Variants in SCAI observed in about 807,000 individuals in gnomAD.
The protein encoded by SCAI is protein SCAI.
SCAI carries 24 observed loss-of-function variants against 92.2 expected under a neutral mutation model. The ratio of observed to expected loss-of-function variants is 0.26; its 90% CI spans 0.19 to 0.37. The LOEUF is 0.37. SCAI is among the 10% of genes least tolerant of loss of function. The pLI, the probability that SCAI is intolerant of heterozygous loss-of-function variation, is 1.00. For missense variants in SCAI, 450 were observed against 736.2 expected (o/e 0.61, Z 4.50); for synonymous variants, 261 against 258.6 (o/e 1.01, Z -0.09).
intron 14 of SCAI, among the ~76,000 whole-genome samples, chr9:124,993,159 A>G (rs1331788616): frequency 6.6e-6 from 1 of 152,262 alleles, no homozygotes; most frequent in Non-Finnish European, 1.5e-5. Context: ...CTTCTTTTGA[A>G]TTCTGTGAAG....
intron 17 of SCAI, among the ~76,000 whole-genome samples, chr9:124,967,768 T>C (rs149279512): frequency 1.2e-4 from 18 of 152,176 alleles, no homozygotes; most frequent in East Asian, 3.9e-4. Flanking sequence ...ATATAAGAAA[T>C]TGTCTTCCCA....
At chr9:125,125,242 A>G (rs1449300189) in intron 2 of SCAI, among the ~76,000 whole-genome samples, 1 of 151,840 alleles carries the variant, frequency 6.6e-6, no homozygotes, top group African/African-American at 2.4e-5. Flanking sequence ...AATTAAATTT[A>G]AAAATGAAGG....
rs184650273 is a variant in SCAI at position 125,028,002 on chromosome 9, T to C, written c.413+390A>G. 1.4e-3 allele frequency among the ~76,000 whole-genome samples: 206 copies of C among 152,344 alleles called. 3 individuals are homozygous for C. The highest frequency in any genetic ancestry group is 4.6e-3 in the African/African-American group (191 of 41,590). ...ATATCTTTCAAACATATCCTGCAAG[T>C]ATGAGTTTTTTAAAGTATCCTTCTG... On this transcript the variant is annotated intron_variant, in intron 5 of 17. Coordinates refer to ENST00000336505, the MANE Select transcript of SCAI (RefSeq NM_001144877.3).
chr9:125,130,072 T>A (rs899738630), intron 2 of SCAI, among the ~76,000 whole-genome samples: 1 of 151,800 alleles, frequency 6.6e-6, no homozygotes, highest in Non-Finnish European at 1.5e-5. Flanking sequence ...CTAATTTTTG[T>A]ATTTTTAGTA....
intron 7 of SCAI, among the ~76,000 whole-genome samples, chr9:125,019,565 C>A (rs1232755308): frequency 6.6e-6 from 1 of 151,448 alleles, no homozygotes; most frequent in East Asian, 1.9e-4. Flanking sequence ...TTTGGGAGGT[C>A]GAGGTGGGAG....
chr9:125,009,292 C>T (rs190163851), intron 9 of SCAI, among the ~76,000 whole-genome samples: 28 of 152,252 alleles, frequency 1.8e-4, no homozygotes, highest in African/African-American at 5.5e-4. Context: ...TATTTAGAGA[C>T]GGAGTCTTCT....
chr9:124,981,262 T>G (rs1831880424), intron 14 of SCAI, among the ~76,000 whole-genome samples: 1 of 152,252 alleles, frequency 6.6e-6, no homozygotes, highest in South Asian at 2.1e-4. Context: ...TTTCTGTGAT[T>G]CTCTTGATTT....
rs1834424963 is a variant in SCAI at position 125,091,350 on chromosome 9, T to C, written c.99-35343A>G. Among the ~76,000 whole-genome samples the C allele has an allele frequency of 6.6e-6, 1 of 152,200 alleles. No individual in the cohort carries two copies. Among genetic ancestry groups the C allele is most frequent in the Admixed American group, 6.5e-5 (1 of 15,282 alleles). The stretch of plus-strand genomic sequence containing the variant: ...CCAATAAATTCATTTTCTGCTTAAG[T>C]TGGCTGGAATTAAGGTCTGTAATTT... On this transcript the variant is annotated intron_variant, in intron 2 of 17. Coordinates refer to ENST00000336505, the MANE Select transcript of SCAI (RefSeq NM_001144877.3). This position sits in a 1 kb window ranked among gnomAD's most constrained non-coding sequence, Gnocchi z 4.3.
At chr9:125,126,392 G>GGTGTGT (rs3222316) in intron 2 of SCAI, among the ~76,000 whole-genome samples, 35 of 115,118 alleles carry the variant, frequency 3.0e-4, no homozygotes, top group African/African-American at 9.4e-4. Flanking sequence ...GTGAGTTGGG[G>GGTGTGT]GTGTGTGTGT....
chr9:125,097,818 A>G (rs1834589924), intron 2 of SCAI, among the ~76,000 whole-genome samples: 1 of 151,722 alleles, frequency 6.6e-6, no homozygotes, highest in Non-Finnish European at 1.5e-5. Flanking sequence ...ATATTTCGTG[A>G]ACCTTCAAGA....
At chr9:124,973,918 C>T (rs1204763638) in intron 15 of SCAI, among the ~76,000 whole-genome samples, 2 of 152,214 alleles carry the variant, frequency 1.3e-5, no homozygotes, top group Non-Finnish European at 1.5e-5. Context: ...CTGGAACACT[C>T]TTGCTCGGTC....
In SCAI at chr9:124,948,502, TTC is replaced by T. The variant is rs1422288340; in HGVS notation, c.*4303_*4304del. ...ACAAATCCCTAATTATTCTTTCTTGTTCATTATAGAAAGCAGTCTGAGCTACT... is the reference window on the plus strand; with the variant it reads ...ACAAATCCCTAATTATTCTTTCTTGTATTATAGAAAGCAGTCTGAGCTACT... On this transcript the variant is annotated 3_prime_UTR_variant, in exon 18 of 18. Coordinates refer to ENST00000336505, the MANE Select transcript of SCAI (RefSeq NM_001144877.3). 6.6e-6 allele frequency: 1 copy of T among 152,226 alleles called. No individual in the cohort carries two copies. The highest frequency in any genetic ancestry group is 1.5e-5 in the Non-Finnish European group (1 of 68,038). 9.4% of individuals were successfully genotyped at this position (152,226 alleles called of 1,614,324 possible).
At chr9:125,023,547 G>A (rs1832909822) in intron 6 of SCAI, among the ~76,000 whole-genome samples, 1 of 151,932 alleles carries the variant, frequency 6.6e-6, no homozygotes, top group Non-Finnish European at 1.5e-5. Context: ...TCTGTATCAT[G>A]GATTATACAA....
intron 2 of SCAI, among the ~76,000 whole-genome samples, chr9:125,114,672 C>A (rs1408593031): frequency 6.6e-6 from 1 of 151,696 alleles, no homozygotes; most frequent in Non-Finnish European, 1.5e-5. Context: ...GTGGCATGAT[C>A]ACAGCTCACA....
At chr9:124,986,021 G>A (rs1041503197) in intron 14 of SCAI, among the ~76,000 whole-genome samples, 1 of 152,044 alleles carries the variant, frequency 6.6e-6, no homozygotes, top group East Asian at 1.9e-4. Context: ...TCCGGGCGCG[G>A]TGGCTCATGC....
At chr9:124,966,513 C>G (rs1831544770) in intron 17 of SCAI, among the ~76,000 whole-genome samples, 1 of 152,042 alleles carries the variant, frequency 6.6e-6, no homozygotes, top group South Asian at 2.1e-4. Context: ...TAAGTGTGTG[C>G]ATAAATTTTA....
At chr9:124,960,204 A>G (rs959608931) in intron 17 of SCAI, among the ~76,000 whole-genome samples, 15 of 152,138 alleles carry the variant, frequency 9.9e-5, no homozygotes, top group African/African-American at 3.6e-4. Flanking sequence ...TTTTTATAAT[A>G]AAAAGCGGTT....
chr9:125,076,023 C>G (rs1422121494), intron 2 of SCAI, among the ~76,000 whole-genome samples: 1 of 152,062 alleles, frequency 6.6e-6, no homozygotes, highest in Non-Finnish European at 1.5e-5. Context: ...GTTGATCGAT[C>G]ATATACAAAG....
intron 2 of SCAI, among the ~76,000 whole-genome samples, chr9:125,072,212 C>T (rs1359904257): frequency 2.0e-5 from 3 of 151,984 alleles, no homozygotes; most frequent in East Asian, 1.9e-4. Context: ...ATAGTAGAGA[C>T]GGGGTTTCAC....
Sources: gnomAD v4.1 joint callset for allele counts (sites outside exome capture counted in the v4.1 genomes callset) on GRCh38, gnomAD v4.1.1 for gene constraint, Gnocchi (gnomAD v3.1) non-coding constraint, MANE v1.5 for transcripts, NCBI Gene and HGNC (gene_info 2026-07-23, HGNC 2026-07-21) for gene names.